Variants in KNTC1 observed in about 807,000 individuals in gnomAD.
KNTC1 encodes kinetochore-associated protein 1.
In KNTC1, 253 loss-of-function variants were observed where a neutral mutation model predicts 314.4. That is an observed-to-expected ratio of 0.80 (90% confidence interval 0.73 to 0.89). The LOEUF is 0.89. Ranked by LOEUF, KNTC1 falls within the 40% of genes least tolerant of loss-of-function variation. The pLI, the probability that KNTC1 is intolerant of heterozygous loss-of-function variation, is 0.00. For missense variants in KNTC1, 2,475 were observed against 2,572.9 expected, an observed-to-expected ratio of 0.96 and a Z score of 0.82; for synonymous variants, 901 against 901.4, an observed-to-expected ratio of 1.00 and a Z score of 0.01.
Position 122,579,891 on chromosome 12 carries a change from T to C in KNTC1, c.2842-14T>C, listed in dbSNP as rs1048249608. On this transcript the variant is annotated splice_polypyrimidine_tract_variant and intron_variant, in intron 31 of 63. Transcript: ENST00000333479. ...GGAAGTAGATTTTATTTCGCTTTAT[T>C]TATTTATTTTTAGGGCAAGGCCTGG... is the stretch of plus-strand genomic sequence containing the variant. 2 of 1,581,292 alleles carry C rather than the reference T, an allele frequency of 1.3e-6. No individual in the cohort carries two copies. The highest frequency in any genetic ancestry group is 1.7e-6 in the Non-Finnish European group (2 of 1,152,140).
At position 122,543,587 on chromosome 12, in the gene KNTC1, T is replaced by A; in HGVS notation, c.524-13T>A. 1 of 1,543,938 alleles carries A rather than the reference T, an allele frequency of 6.5e-7. No homozygotes were observed. Among genetic ancestry groups the A allele is most frequent in the South Asian group, 1.2e-5 (1 of 82,880 alleles). ...AATACTATACATTTAGCCTGCTTTC[T>A]TTTTTAATGCAGCAATTGAGAATGT... On this transcript the variant is annotated splice_polypyrimidine_tract_variant and intron_variant, in intron 6 of 63. Coordinates refer to ENST00000333479, the MANE Select transcript of KNTC1 (RefSeq NM_014708.6).
At chr12:122,529,735 C>T (rs1961145310) in intron 1 of KNTC1, among the ~76,000 whole-genome samples, 1 of 152,156 alleles carries the variant, frequency 6.6e-6, no homozygotes, top group Admixed American at 6.5e-5. Flanking sequence ...TAATTCCAAA[C>T]TAGACACACA....
intron 55 of KNTC1, among the ~76,000 whole-genome samples, 155 bp downstream of exon 55, chr12:122,613,916 C>G (rs1873466488): frequency 6.6e-6 from 1 of 152,148 alleles, no homozygotes; most frequent in Admixed American, 6.6e-5. Context: ...TCTCAGCTCA[C>G]TGCAACCTCC....
intron 16 of KNTC1, among the ~76,000 whole-genome samples, chr12:122,556,428 C>T (rs2137811742): frequency 6.6e-6 from 1 of 151,916 alleles, no homozygotes; most frequent in African/African-American, 2.4e-5. Flanking sequence ...TCTCTGACAC[C>T]TCTGTATCCT....
At position 122,618,544 on chromosome 12, in the gene KNTC1, G is replaced by A. The variant is rs528094170; in HGVS notation, c.6148G>A (p.Glu2050Lys). The A allele has an allele frequency of 1.8e-5, 29 of 1,607,508 alleles. No individual in the cohort carries two copies. Among genetic ancestry groups the A allele is most frequent in the African/African-American group, 1.1e-4 (8 of 74,098 alleles). The change falls in exon 59 of 64, where the codon GAA becomes AAA. Residue 2050 changes from glutamate to lysine, a missense_variant and splice_region_variant. Coordinates refer to ENST00000333479, the MANE Select transcript of KNTC1 (RefSeq NM_014708.6). ...TTCTGAGAGTCTCATCGCTGTCCTC[G>A]AGTAAGCAAAATATTTGTTCTACCA... ...DCSESLIAVL[E>K]CPVSGDLDLI... is the part of the protein sequence containing the mutation.
intron 6 of KNTC1, among the ~76,000 whole-genome samples, chr12:122,543,085 G>A (rs1271949340): frequency 6.6e-6 from 1 of 151,942 alleles, no homozygotes; most frequent in Non-Finnish European, 1.5e-5. Context: ...GCTAATTTTT[G>A]TATTTTTACT....
intron 19 of KNTC1, 145 bp downstream of exon 19, chr12:122,562,119 GTACT>G (rs1228673171): frequency 4.0e-6 from 3 of 758,378 alleles, no homozygotes; most frequent in Admixed American, 3.0e-5. Context: ...ATATTAATAG[GTACT>G]TACTTTATAA....
rs1221371169 is a variant in KNTC1, at chr12:122,618,531, CAT to C, written c.6136_6137del (p.Ile2046ArgfsTer10). On this transcript the variant is annotated frameshift_variant, in exon 59 of 64. Coordinates refer to ENST00000333479, the MANE Select transcript of KNTC1 (RefSeq NM_014708.6). LOFTEE classifies it high-confidence loss of function. ...AGCTGTCAGATTGTTCTGAGAGTCTCATCGCTGTCCTCGAGTAAGCAAAATAT... is the reference window on the plus strand; with the variant it reads ...AGCTGTCAGATTGTTCTGAGAGTCTCCGCTGTCCTCGAGTAAGCAAAATAT... ...DQLSDCSESL[I>X]AVLECPVSGD... 1.2e-6 allele frequency: 2 copies of C among 1,609,884 alleles called. No homozygotes were observed. The highest frequency in any genetic ancestry group is 1.7e-6 in the Non-Finnish European group (2 of 1,179,254).
intron 43 of KNTC1, 64 bp from the exon 44 acceptor site, chr12:122,597,667 C>T: frequency 1.5e-6 from 2 of 1,359,954 alleles, no homozygotes; most frequent in Non-Finnish European, 1.1e-6. Context: ...AGTGTTTTGT[C>T]AGATACTTTG....
intron 48 of KNTC1, among the ~76,000 whole-genome samples, chr12:122,603,478 T>A (rs1872211711): frequency 6.6e-6 from 1 of 152,032 alleles, no homozygotes; most frequent in Non-Finnish European, 1.5e-5. Flanking sequence ...TGATGGGTAC[T>A]TTTAATATCC....
At chr12:122,606,222 C>G (rs949918106) in intron 51 of KNTC1, among the ~76,000 whole-genome samples, 2 of 109,786 alleles carry the variant, frequency 1.8e-5, no homozygotes, top group Non-Finnish European at 3.8e-5. Context: ...AGATTGTTTA[C>G]TTTTTTTTTT....
chr12:122,553,872 A>G (rs1404438064), intron 16 of KNTC1, among the ~76,000 whole-genome samples: 3 of 152,052 alleles, frequency 2.0e-5, no homozygotes, highest in African/African-American at 7.2e-5. Context: ...GATCAAGTAT[A>G]AAAGCTGAAA....
chr12:122,534,886 A>G, intron 3 of KNTC1, 102 bp downstream of exon 3: 1 of 1,147,992 alleles, frequency 8.7e-7, no homozygotes, highest in Non-Finnish European at 1.3e-6. Context: ...TATTTCTAAG[A>G]TTTCAAATTA....
chr12:122,610,145 A>T (rs1336386703), intron 52 of KNTC1, among the ~76,000 whole-genome samples: 1 of 152,168 alleles, frequency 6.6e-6, no homozygotes, highest in African/African-American at 2.4e-5. Flanking sequence ...CTAATCACCC[A>T]TACCATGCCC....
In KNTC1 at chr12:122,584,267, T is replaced by C; in HGVS notation, c.3264-11T>C. Reference sequence around the variant, plus strand: ...AGTATTCTAACTACCAATACTTTCTTTCTTCCAAAGCGACTTGTTTAAGTA... The same window carrying C: ...AGTATTCTAACTACCAATACTTTCTCTCTTCCAAAGCGACTTGTTTAAGTA... On this transcript the variant is annotated splice_polypyrimidine_tract_variant and intron_variant, in intron 34 of 63. Transcript: ENST00000333479. 1 of 1,596,322 alleles carries C rather than the reference T, an allele frequency of 6.3e-7. No individual in the cohort carries two copies. The highest frequency in any genetic ancestry group is 8.6e-7 in the Non-Finnish European group (1 of 1,167,854).
chr12:122,556,917 C>CTTTT lies in KNTC1; in HGVS notation c.1273-447_1273-444dup, dbSNP rs35101646. On this transcript the variant is annotated intron_variant, in intron 16 of 63. Transcript: ENST00000333479. ...TTGTTGGAAATGACAAATTTTCCCT[C>CTTTT]TTTTTTTTTTTTTTTTTTTTTTTAA... 1.1e-3 allele frequency among the ~76,000 whole-genome samples: 95 copies of CTTTT among 88,268 alleles called. 1 individual carries two copies. The highest frequency in any genetic ancestry group is 3.4e-3 in the African/African-American group (74 of 21,740). 57.9% of individuals were successfully genotyped at this position (88,268 alleles called of 152,430 possible).
rs1566024307 is a variant in KNTC1, at chr12:122,621,975, G to A, written c.6369+5G>A. 1 of 1,587,534 alleles carries A rather than the reference G, an allele frequency of 6.3e-7. No individual in the cohort carries two copies. The highest frequency in any genetic ancestry group is 8.6e-7 in the Non-Finnish European group (1 of 1,161,990). On this transcript the variant is annotated splice_donor_5th_base_variant and intron_variant, in intron 61 of 63. Coordinates refer to ENST00000333479, the MANE Select transcript of KNTC1 (RefSeq NM_014708.6). ...CTAGCAGGATTTTCACATCAAGTAA[G>A]AGGCGATTTCATCTCCTTTTTGCTA...
intron 56 of KNTC1, among the ~76,000 whole-genome samples, 165 bp downstream of exon 56, chr12:122,615,251 AG>A (rs1185562566): frequency 6.6e-6 from 1 of 152,214 alleles, no homozygotes; most frequent in Non-Finnish European, 1.5e-5. Flanking sequence ...TAGACCAGAG[AG>A]TGCAAAATCC....
chr12:122,613,123 G>GA lies in KNTC1; in HGVS notation c.5634_5635insA (p.His1879ThrfsTer8). ...TTTTGGTTTTTCAGACATTAGGTAT[G>GA]CATCAGTTAACTTTTGCCCATAGAA... On this transcript the variant is annotated frameshift_variant, in exon 54 of 64. Coordinates refer to ENST00000333479, the MANE Select transcript of KNTC1 (RefSeq NM_014708.6). LOFTEE classifies it high-confidence loss of function. The GA allele has an allele frequency of 6.2e-7, 1 of 1,606,826 alleles. No homozygotes were observed. Among genetic ancestry groups the GA allele is most frequent in the Non-Finnish European group, 8.5e-7 (1 of 1,173,760 alleles).
Sources: gnomAD v4.1 joint callset for allele counts (sites outside exome capture counted in the v4.1 genomes callset) on GRCh38, gnomAD v4.1.1 for gene constraint, MANE v1.5 for transcripts, NCBI Gene and HGNC (gene_info 2026-07-23, HGNC 2026-07-21) for gene names.